The following HEMK2 variants were observed in gnomAD, a reference collection of about 807,000 sequenced individuals.
HEMK2 encodes HemK methyltransferase 2, ETF1 glutamine and histone H4 lysine, also known as methyltransferase HEMK2.
the HEMK2 span, among the ~76,000 whole-genome samples, chr21:28,796,863 C>T: frequency 2.0e-5 from 3 of 152,208 alleles, no homozygotes; most frequent in African/African-American, 7.2e-5. Flanking sequence ...AACCACTGCA[C>T]TTGGCCTGTT....
chr21:28,697,003 G>A, the HEMK2 span, among the ~76,000 whole-genome samples: 1 of 104,952 alleles, frequency 9.5e-6, no homozygotes, highest in East Asian at 5.5e-4. Flanking sequence ...ACCTGGCCAA[G>A]GAAAACATTT....
At chr21:28,605,763 T>C in the HEMK2 span, among the ~76,000 whole-genome samples, 3 of 152,226 alleles carry the variant, frequency 2.0e-5, no homozygotes, top group African/African-American at 7.2e-5. Flanking sequence ...ATATCAAGTA[T>C]AGAAAGTGTT....
chr21:28,595,091 T>C, the HEMK2 span, among the ~76,000 whole-genome samples: 1 of 152,252 alleles, frequency 6.6e-6, no homozygotes, highest in East Asian at 1.9e-4. Context: ...TGAGATGTTT[T>C]GATACAGGCA....
At chr21:28,859,643 T>C in the HEMK2 span, among the ~76,000 whole-genome samples, 3 of 152,180 alleles carry the variant, frequency 2.0e-5, no homozygotes, top group Non-Finnish European at 4.4e-5. Context: ...CCCTCACATT[T>C]GTGGTTATTT....
the HEMK2 span, among the ~76,000 whole-genome samples, chr21:28,729,478 C>T: frequency 6.6e-6 from 1 of 152,126 alleles, no homozygotes; most frequent in Non-Finnish European, 1.5e-5. Flanking sequence ...ACTGGAAGAG[C>T]ACTGTCTCAG....
At chr21:28,751,452 A>G in the HEMK2 span, among the ~76,000 whole-genome samples, 2 of 152,188 alleles carry the variant, frequency 1.3e-5, no homozygotes, top group Non-Finnish European at 1.5e-5. Flanking sequence ...AAACAGAGGA[A>G]GATTAATGTC....
chr21:28,870,422 C>T, the HEMK2 span, among the ~76,000 whole-genome samples: 4 of 151,124 alleles, frequency 2.6e-5, no homozygotes, highest in Non-Finnish European at 4.4e-5. Context: ...TTTTTTGAGA[C>T]GGAGTCTTGC....
the HEMK2 span, among the ~76,000 whole-genome samples, chr21:28,624,763 G>A: frequency 6.6e-6 from 1 of 152,130 alleles, no homozygotes; most frequent in Non-Finnish European, 1.5e-5. Flanking sequence ...GGAACCCAAG[G>A]CAGAAAGCCA....
chr21:28,714,261 G>T, the HEMK2 span, among the ~76,000 whole-genome samples: 1 of 151,786 alleles, frequency 6.6e-6, no homozygotes, highest in Non-Finnish European at 1.5e-5. Context: ...TAGTTATTTG[G>T]CTTCCCATTG....
chr21:28,841,397 A>T, the HEMK2 span, among the ~76,000 whole-genome samples: 3,465 of 37,700 alleles, frequency 0.092, 522 homozygotes, highest in East Asian at 0.39. Context: ...ATAAAATATT[A>T]TATATATAAT....
At chr21:28,605,280 A>G in the HEMK2 span, among the ~76,000 whole-genome samples, 1 of 152,226 alleles carries the variant, frequency 6.6e-6, no homozygotes. Context: ...GCTGAGTCTC[A>G]AATATATTGA....
the HEMK2 span, among the ~76,000 whole-genome samples, chr21:28,682,082 A>G: frequency 6.6e-6 from 1 of 152,152 alleles, no homozygotes; most frequent in Admixed American, 6.5e-5. Context: ...GCTTCTGCAC[A>G]GCAAAAGAAA....
chr21:28,819,694 G>A, the HEMK2 span, among the ~76,000 whole-genome samples: 2 of 151,550 alleles, frequency 1.3e-5, no homozygotes, highest in African/African-American at 2.4e-5. Flanking sequence ...CTACAGGCGC[G>A]GGTGCCACCA....
chr21:28,880,553 G>C, the HEMK2 span, among the ~76,000 whole-genome samples: 1 of 152,000 alleles, frequency 6.6e-6, no homozygotes. Flanking sequence ...CCAACCCATG[G>C]CCAACATGAT....
the HEMK2 span, chr21:28,883,092 T>A: frequency 6.5e-7 from 1 of 1,532,646 alleles, no homozygotes; most frequent in South Asian, 1.2e-5. Flanking sequence ...AATAAATAAA[T>A]ATTAGTATAG....
At chr21:28,864,836 T>TGG in the HEMK2 span, among the ~76,000 whole-genome samples, 3 of 129,052 alleles carry the variant, frequency 2.3e-5, no homozygotes, top group Non-Finnish European at 5.1e-5. Context: ...GATAGATAGA[T>TGG]AGATAGATAG....
chr21:28,632,271 T>C, the HEMK2 span, among the ~76,000 whole-genome samples: 2 of 152,340 alleles, frequency 1.3e-5, no homozygotes, highest in South Asian at 4.1e-4. Context: ...CCTGAGAGTC[T>C]TATTAAAATG....
At chr21:28,861,773 A>G in the HEMK2 span, among the ~76,000 whole-genome samples, 1 of 152,196 alleles carries the variant, frequency 6.6e-6, no homozygotes, top group Admixed American at 6.5e-5. Flanking sequence ...TCAGTGTCCA[A>G]TATACGGTAC....
chr21:28,704,522 T>A, the HEMK2 span, among the ~76,000 whole-genome samples: 1 of 144,498 alleles, frequency 6.9e-6, no homozygotes, highest in Non-Finnish European at 1.5e-5. Context: ...ATTTTCTTCA[T>A]ACCATGATAT....
Sources: allele counts gnomAD v4.1 joint callset (sites outside exome capture counted in the v4.1 genomes callset), GRCh38; gene constraint gnomAD v4.1.1; transcripts MANE v1.5; gene names NCBI Gene and HGNC (gene_info 2026-07-23, HGNC 2026-07-21).